DCC: variants seen among roughly 807,000 people sequenced by gnomAD.
The protein encoded by DCC is netrin receptor DCC.
In DCC, 58 loss-of-function variants were observed where a neutral mutation model predicts 172.5. That is an observed-to-expected ratio of 0.34 (90% CI 0.27 to 0.42). The LOEUF is 0.42. Among genes scored for constraint, DCC ranks in the 10% least tolerant of loss-of-function variants. The pLI, the probability that DCC is intolerant of heterozygous loss-of-function variation, is 1.00. For synonymous variants in DCC, 709 were observed against 644.5 expected, an observed-to-expected ratio of 1.10 and a Z score of -1.52; for missense variants, 1,740 against 1,791.0, an observed-to-expected ratio of 0.97 and a Z score of 0.51.
chr18:53,303,746 C>T (rs1272967724), intron 12 of DCC, among the ~76,000 whole-genome samples: 1 of 152,124 alleles, frequency 6.6e-6, no homozygotes, highest in African/African-American at 2.4e-5. Flanking sequence ...TCCCAAATCC[C>T]CAGTGAGTGT....
chr18:52,901,691 A>G (rs1202750450), intron 2 of DCC, among the ~76,000 whole-genome samples: 1 of 152,158 alleles, frequency 6.6e-6, no homozygotes, highest in Admixed American at 6.5e-5. Flanking sequence ...ACTGCTACAC[A>G]GTATGCTGGA....
At chr18:52,779,900 G>A (rs2037503319) in intron 2 of DCC, among the ~76,000 whole-genome samples, 1 of 152,062 alleles carries the variant, frequency 6.6e-6, no homozygotes, top group African/African-American at 2.4e-5. Flanking sequence ...TTCTCTAATG[G>A]CATGTCCATA....
intron 7 of DCC, among the ~76,000 whole-genome samples, chr18:53,099,118 T>A (rs1014048996): frequency 2.0e-5 from 3 of 152,174 alleles, no homozygotes. Flanking sequence ...TAATAGCCAC[T>A]TATGTTTCTT....
intron 2 of DCC, among the ~76,000 whole-genome samples, chr18:52,855,400 A>T (rs1246061252): frequency 6.6e-6 from 1 of 152,212 alleles, no homozygotes; most frequent in Non-Finnish European, 1.5e-5. Flanking sequence ...AAAACGTCTT[A>T]GGTTTCCGTA....
Position 53,358,863 on chromosome 18 carries a change from T to C in DCC, c.2359+18956T>C, listed in dbSNP as rs556100663. Among the ~76,000 whole-genome samples, 7 of 152,290 alleles carry C rather than the reference T, an allele frequency of 4.6e-5. No individual in the cohort carries two copies. In the South Asian group the frequency reaches 1.4e-3, roughly 32 times the overall value. ...CATATTCTAGGCTACCAAAGACCTA[T>C]GTAATAAATATAAGATTATTTCATG... On this transcript the variant is annotated intron_variant, in intron 15 of 28. Coordinates refer to ENST00000442544, the MANE Select transcript of DCC (RefSeq NM_005215.4).
intron 2 of DCC, among the ~76,000 whole-genome samples, chr18:52,885,005 A>T (rs1053699231): frequency 6.6e-6 from 1 of 152,244 alleles, no homozygotes; most frequent in East Asian, 1.9e-4. Context: ...ACTTTGTCTC[A>T]AACGAAATTT....
At chr18:53,351,380 TAC>T (rs1308479000) in intron 15 of DCC, among the ~76,000 whole-genome samples, 1 of 62,680 alleles carries the variant, frequency 1.6e-5, no homozygotes, top group Non-Finnish European at 2.9e-5. Flanking sequence ...TATATATATA[TAC>T]AGTATATATA....
At chr18:52,483,024 G>A (rs1342622683) in intron 1 of DCC, among the ~76,000 whole-genome samples, 1 of 152,010 alleles carries the variant, frequency 6.6e-6, no homozygotes, top group Non-Finnish European at 1.5e-5. Flanking sequence ...AAGGCTCCTG[G>A]GATAATCCTC....
At chr18:52,960,934 A>G (rs1224429675) in intron 5 of DCC, among the ~76,000 whole-genome samples, 2 of 152,150 alleles carry the variant, frequency 1.3e-5, no homozygotes, top group African/African-American at 4.8e-5. Context: ...TCACACGCTG[A>G]ATTTTGATGG....
intron 7 of DCC, among the ~76,000 whole-genome samples, chr18:53,090,599 C>A (rs1251287974): frequency 1.4e-5 from 2 of 146,854 alleles, no homozygotes; most frequent in East Asian, 4.0e-4. Context: ...CAGGCTGAGG[C>A]AGGAGAATGG....
At chr18:53,196,900 C>A (rs972360434) in intron 9 of DCC, among the ~76,000 whole-genome samples, 1 of 152,006 alleles carries the variant, frequency 6.6e-6, no homozygotes, top group Admixed American at 6.6e-5. Context: ...TTCTTCCTAG[C>A]CAAATTACTG....
At chr18:52,380,071 C>T (rs1249019113) in intron 1 of DCC, among the ~76,000 whole-genome samples, 4 of 151,978 alleles carry the variant, frequency 2.6e-5, no homozygotes, top group African/African-American at 9.7e-5. Context: ...AATATCGTTT[C>T]CACACATGGA....
intron 9 of DCC, among the ~76,000 whole-genome samples, chr18:53,188,064 A>G (rs1391752923): frequency 2.0e-5 from 3 of 152,122 alleles, no homozygotes; most frequent in Non-Finnish European, 4.4e-5. Flanking sequence ...TTAAACCTAT[A>G]ATTGGTGTTA....
chr18:52,745,518 A>T (rs372200283), intron 1 of DCC, among the ~76,000 whole-genome samples: 1 of 152,036 alleles, frequency 6.6e-6, no homozygotes, highest in Admixed American at 6.5e-5. Flanking sequence ...ATTGGCACAC[A>T]ATAGTTGTAC....
intron 1 of DCC, among the ~76,000 whole-genome samples, chr18:52,521,495 G>T (rs2031814404): frequency 6.6e-6 from 1 of 152,120 alleles, no homozygotes; most frequent in Non-Finnish European, 1.5e-5. Context: ...CTTGCAGATG[G>T]CCACCTTCTT....
intron 5 of DCC, among the ~76,000 whole-genome samples, chr18:53,047,457 A>ATATG (rs1195987638): frequency 2.0e-5 from 2 of 100,086 alleles, no homozygotes; most frequent in Non-Finnish European, 3.9e-5. Context: ...ATATATATAT[A>ATATG]TATATACCAT....
chr18:52,724,758 C>A (rs1221073701), intron 1 of DCC, among the ~76,000 whole-genome samples: 2 of 152,174 alleles, frequency 1.3e-5, no homozygotes, highest in Non-Finnish European at 2.9e-5. Context: ...GTCACTCAAA[C>A]ACCCTATACA....
intron 1 of DCC, among the ~76,000 whole-genome samples, chr18:52,414,409 A>G (rs1986947433): frequency 1.3e-5 from 2 of 152,126 alleles, no homozygotes; most frequent in Non-Finnish European, 2.9e-5. Context: ...CCATGACTCA[A>G]TGCTTTATCT....
chr18:52,749,304 C>A (rs118087626), intron 1 of DCC, among the ~76,000 whole-genome samples: 3 of 152,292 alleles, frequency 2.0e-5, no homozygotes, highest in Non-Finnish European at 4.4e-5. Context: ...AACCAGCAGC[C>A]CAGTTTTCAG....
Sources: allele counts gnomAD v4.1 joint callset (sites outside exome capture counted in the v4.1 genomes callset), GRCh38; gene constraint gnomAD v4.1.1; transcripts MANE v1.5; gene names NCBI Gene and HGNC (gene_info 2026-07-23, HGNC 2026-07-21).